The following OSBPL6 variants were observed in gnomAD, a reference collection of about 807,000 sequenced individuals.
The protein encoded by OSBPL6 is oxysterol binding protein like 6, also known as oxysterol-binding protein-related protein 6.
Under a neutral mutation model 125.8 loss-of-function variants are expected in OSBPL6, and 49 were observed. The ratio of observed to expected loss-of-function variants is 0.39; its 90% CI spans 0.31 to 0.49. The LOEUF (loss-of-function observed/expected upper bound fraction) is 0.49. OSBPL6 is among the 20% of genes least tolerant of loss of function. OSBPL6 has a pLI of 0.88. For missense variants in OSBPL6, 986 were observed against 1,135.4 expected, an observed-to-expected ratio of 0.87 and a Z score of 1.89; for synonymous variants, 394 against 391.8, an observed-to-expected ratio of 1.01 and a Z score of -0.07.
intron 19 of OSBPL6, among the ~76,000 whole-genome samples, chr2:178,386,839 G>GTT (rs35947309): frequency 3.3e-5 from 5 of 151,162 alleles, no homozygotes; most frequent in East Asian, 2.0e-4. Flanking sequence ...GATAGTGGGG[G>GTT]TTTTTTTTAG....
intron 11 of OSBPL6, among the ~76,000 whole-genome samples, chr2:178,348,430 G>C (rs1574936036): frequency 2.0e-5 from 3 of 152,190 alleles, no homozygotes; most frequent in Non-Finnish European, 4.4e-5. Context: ...TTCAGGTAAA[G>C]CCTTCTTAAA....
chr2:178,395,188 C>A (rs1446900592), intron 24 of OSBPL6, among the ~76,000 whole-genome samples: 1 of 152,142 alleles, frequency 6.6e-6, no homozygotes, highest in African/African-American at 2.4e-5. Flanking sequence ...GGGCTATTTA[C>A]TTTTTACCCC....
intron 13 of OSBPL6, among the ~76,000 whole-genome samples, chr2:178,363,874 C>T (rs733551): frequency 0.18 from 27,187 of 152,032 alleles, 2,573 homozygotes; most frequent in South Asian, 0.24. Flanking sequence ...TCAAATAGAC[C>T]GTTACAGCCT....
intron 1 of OSBPL6, among the ~76,000 whole-genome samples, chr2:178,269,374 G>T (rs976720017): frequency 3.3e-5 from 5 of 152,140 alleles, no homozygotes; most frequent in Admixed American, 3.3e-4. Flanking sequence ...TGAACAATTT[G>T]TCTTTTAATG....
intron 1 of OSBPL6, among the ~76,000 whole-genome samples, chr2:178,262,001 T>C (rs1039912081): frequency 6.6e-5 from 10 of 152,198 alleles, no homozygotes; most frequent in African/African-American, 2.2e-4. Flanking sequence ...TCCTAAACTT[T>C]AATGTTGCTG....
At chr2:178,389,844 A>G (rs1695252400) in intron 21 of OSBPL6, among the ~76,000 whole-genome samples, 2 of 152,228 alleles carry the variant, frequency 1.3e-5, no homozygotes, top group Admixed American at 6.5e-5. Flanking sequence ...TCCCATTCTA[A>G]TATGGTAAAC....
intron 9 of OSBPL6, among the ~76,000 whole-genome samples, chr2:178,337,919 A>C (rs1574907926): frequency 2.0e-5 from 3 of 151,442 alleles, no homozygotes; most frequent in Non-Finnish European, 4.4e-5. Flanking sequence ...GCAACTGACC[A>C]CAAAAATAAG....
At chr2:178,386,124 G>C (rs1454151539) in intron 19 of OSBPL6, among the ~76,000 whole-genome samples, 1 of 152,158 alleles carries the variant, frequency 6.6e-6, no homozygotes, top group East Asian at 1.9e-4. Flanking sequence ...TGTTTGGAAG[G>C]GTGCTTCATT....
At chr2:178,313,227 AAT>A (rs1687448486) in intron 3 of OSBPL6, among the ~76,000 whole-genome samples, 1 of 152,204 alleles carries the variant, frequency 6.6e-6, no homozygotes, top group Admixed American at 6.5e-5. Context: ...ATTTTAACAA[AAT>A]ATATGTTTCT....
At chr2:178,294,413 T>C (rs1685545845) in intron 2 of OSBPL6, among the ~76,000 whole-genome samples, 1 of 152,170 alleles carries the variant, frequency 6.6e-6, no homozygotes, top group African/African-American at 2.4e-5. Context: ...AAATAATACA[T>C]GATAACAGAC....
Position 178,375,554 on chromosome 2 carries a change from T to C in OSBPL6, c.1533+1527T>C, listed in dbSNP as rs1300009462. 4.6e-5 allele frequency among the ~76,000 whole-genome samples: 7 copies of C among 152,016 alleles called. 1 individual carries two copies. Among genetic ancestry groups the C allele is most frequent in the African/African-American group, 1.7e-4 (7 of 41,462 alleles). Reference sequence around the variant, plus strand: ...TCTCCTGCCTCAGCCTCCCAAGTAGTGGGGATTACAGGCATGCACCTCCAC... The same window carrying C: ...TCTCCTGCCTCAGCCTCCCAAGTAGCGGGGATTACAGGCATGCACCTCCAC... On this transcript the variant is annotated intron_variant, in intron 15 of 24. Coordinates refer to ENST00000190611, the MANE Select transcript of OSBPL6 (RefSeq NM_032523.4).
At chr2:178,393,848 C>T (rs1695616108) in intron 23 of OSBPL6, among the ~76,000 whole-genome samples, 1 of 152,182 alleles carries the variant, frequency 6.6e-6, no homozygotes, top group African/African-American at 2.4e-5. Context: ...CAGGAAAGCT[C>T]CTTCCCTCTC....
At chr2:178,236,696 G>C (rs2091066153) in intron 1 of OSBPL6, among the ~76,000 whole-genome samples, 1 of 152,174 alleles carries the variant, frequency 6.6e-6, no homozygotes, top group South Asian at 2.1e-4. Context: ...CAGGATGCTT[G>C]AATTCTCCCG....
chr2:178,353,310 G>A (rs537104763), intron 12 of OSBPL6, among the ~76,000 whole-genome samples: 3 of 152,222 alleles, frequency 2.0e-5, no homozygotes, highest in Admixed American at 2.0e-4. Context: ...AGTTAAAGGA[G>A]CATGTTCTAA....
intron 2 of OSBPL6, among the ~76,000 whole-genome samples, chr2:178,299,274 C>T (rs1332168476): frequency 6.6e-6 from 1 of 152,086 alleles, no homozygotes; most frequent in Non-Finnish European, 1.5e-5. Context: ...TAGCTCATAT[C>T]TTTTTTGCAC....
chr2:178,217,550 G>C (rs966854734), intron 1 of OSBPL6, among the ~76,000 whole-genome samples: 1 of 152,222 alleles, frequency 6.6e-6, no homozygotes, highest in African/African-American at 2.4e-5. Context: ...TCTCTCTATA[G>C]AGAAAGGGGT....
chr2:178,394,229 TAG>T lies in OSBPL6; in HGVS notation c.2574-82_2574-81del. 17 of 1,532,500 alleles carry T rather than the reference TAG, an allele frequency of 1.1e-5. No homozygotes were observed. In the South Asian group the frequency reaches 2.0e-4, roughly 18 times the overall value. The allele number at this position is 1,532,500 out of a possible 1,614,324, so 94.9% of individuals were successfully genotyped here. On this transcript the variant is annotated intron_variant, in intron 23 of 24. Transcript: ENST00000190611. ...TGCGGTATTTTATGTTCATAGCAATTAGAAAACAATTTTGTGCAAATGAGGTT... is the reference window on the plus strand; with the variant it reads ...TGCGGTATTTTATGTTCATAGCAATTAAAACAATTTTGTGCAAATGAGGTT...
At chr2:178,373,259 T>C (rs1308321118) in intron 14 of OSBPL6, among the ~76,000 whole-genome samples, 1 of 152,208 alleles carries the variant, frequency 6.6e-6, no homozygotes, top group Non-Finnish European at 1.5e-5. Context: ...TCAAAAATAA[T>C]TTGATAATCT....
chr2:178,310,459 C>T (rs1687165081), intron 3 of OSBPL6, among the ~76,000 whole-genome samples: 1 of 141,206 alleles, frequency 7.1e-6, no homozygotes, highest in Non-Finnish European at 1.5e-5. Flanking sequence ...GCTCTGTTGC[C>T]CAGACTGGAG....
Sources: gnomAD v4.1 joint callset for allele counts (sites outside exome capture counted in the v4.1 genomes callset) on GRCh38, gnomAD v4.1.1 for gene constraint, MANE v1.5 for transcripts, NCBI Gene and HGNC (gene_info 2026-07-23, HGNC 2026-07-21) for gene names.